Variants in BCL9 observed in about 807,000 individuals in gnomAD.
BCL9 encodes B-cell CLL/lymphoma 9 protein.
BCL9 carries 25 observed loss-of-function variants against 88.5 expected under a neutral mutation model. The ratio of observed to expected loss-of-function variants is 0.28; its 90% CI spans 0.21 to 0.39. The LOEUF is 0.39. BCL9 is among the 10% of genes least tolerant of loss of function. BCL9 has a pLI of 1.00. For missense variants in BCL9, 1,817 were observed against 1,877.8 expected, an observed-to-expected ratio of 0.97 and a Z score of 0.60; for synonymous variants, 711 against 673.3, an observed-to-expected ratio of 1.06 and a Z score of -0.87.
rs587686584 is a variant in BCL9, at chr1:147,551,252, G to A, written c.-478+9578G>A. ...GCCCAACATCATCCAATTAGTAAGT[G>A]ACAACTAGAGTGTAAGTCTATCTAA... On this transcript the variant is annotated intron_variant, in intron 1 of 9. Coordinates refer to ENST00000234739, the MANE Select transcript of BCL9 (RefSeq NM_004326.4). Among the ~76,000 whole-genome samples the A allele has an allele frequency of 5.1e-4, 77 of 152,322 alleles. No individual in the cohort carries two copies. In the Middle Eastern group the frequency reaches 0.01, roughly 20 times the overall value.
chr1:147,597,346 T>G (rs1657099843), intron 1 of BCL9, among the ~76,000 whole-genome samples: 1 of 152,218 alleles, frequency 6.6e-6, no homozygotes, highest in Admixed American at 6.5e-5. Context: ...CATCTATGTT[T>G]GCAACACAGT....
chr1:147,590,359 A>G (rs1335933363), intron 1 of BCL9, among the ~76,000 whole-genome samples: 2 of 152,196 alleles, frequency 1.3e-5, no homozygotes, highest in Non-Finnish European at 2.9e-5. Context: ...TTCAGCTAGC[A>G]CCTGAATTTC....
At chr1:147,558,751 C>G (rs1553195722) in intron 1 of BCL9, among the ~76,000 whole-genome samples, 1 of 152,204 alleles carries the variant, frequency 6.6e-6, no homozygotes, top group Admixed American at 6.5e-5. Context: ...CTCTCTTTCT[C>G]TCCAGCTACT....
At chr1:147,590,004 G>A (rs587764104) in intron 1 of BCL9, among the ~76,000 whole-genome samples, 6 of 152,264 alleles carry the variant, frequency 3.9e-5, no homozygotes, top group African/African-American at 1.4e-4. Flanking sequence ...ACTTGCCATT[G>A]TCTTTCTTTT....
At position 147,624,774 on chromosome 1, in the gene BCL9, G is replaced by C. The variant is rs75460229; in HGVS notation, c.4096G>C (p.Ala1366Pro). 390 of 1,612,792 alleles carry C rather than the reference G, an allele frequency of 2.4e-4. 1 individual carries two copies. In the African/African-American group the frequency reaches 4.8e-3, roughly 20 times the overall value. Residue 1366 changes from alanine (A) to proline (P), a missense_variant, in exon 10 of 10, where the codon GCC (alanine) becomes CCC (proline). Around this residue, in one of 2 missense-constraint regions of BCL9, gnomAD observed 589 missense variants for 686.2 expected, o/e 0.86. Coordinates refer to ENST00000234739, the MANE Select transcript of BCL9 (RefSeq NM_004326.4). The surrounding 1 kb of genome is among the most constrained non-coding windows in gnomAD (Gnocchi z 4.4). Reference sequence around the variant, plus strand: ...GATTCCTGGCAAGGATCGGGGGCCTGCCGGGCTCTACACCCACCCTGGGCC... The same window carrying C: ...GATTCCTGGCAAGGATCGGGGGCCTCCCGGGCTCTACACCCACCCTGGGCC... ...GMIPGKDRGP[A>P]GLYTHPGPVG...
chr1:147,619,451 T>G lies in BCL9; in HGVS notation c.1296T>G (p.Pro432=), dbSNP rs1553204581. 6.2e-7 allele frequency: 1 copy of G among 1,613,986 alleles called. No individual in the cohort carries two copies. The highest frequency in any genetic ancestry group is 8.5e-7 in the Non-Finnish European group (1 of 1,180,000). The change falls in exon 8 of 10, where the codon CCT becomes CCG. Residue 432 remains proline, a synonymous_variant. Transcript: ENST00000234739. This position sits in a 1 kb window ranked among gnomAD's most constrained non-coding sequence, Gnocchi z 4.1. ...PRTDVGAPFG[P]QGHRDVPFSP... Reference sequence around the variant, plus strand: ...CAGACGTGGGAGCTCCATTTGGCCCTCAAGGACATAGAGATGTACCCTTTT... The same window carrying G: ...CAGACGTGGGAGCTCCATTTGGCCCGCAAGGACATAGAGATGTACCCTTTT...
At chr1:147,621,596 CTGA>C (rs781887400) in intron 8 of BCL9, among the ~76,000 whole-genome samples, 10 of 152,156 alleles carry the variant, frequency 6.6e-5, no homozygotes, top group Non-Finnish European at 1.2e-4. Flanking sequence ...GAGATTCTTG[CTGA>C]TGATGATGGT....
intron 4 of BCL9, 118 bp downstream of exon 4, chr1:147,612,007 A>C (rs1393898839): frequency 9.5e-7 from 1 of 1,052,084 alleles, no homozygotes; most frequent in Non-Finnish European, 1.4e-6. Context: ...CAAATGGGAA[A>C]GGAAGAGAAA....
chr1:147,625,307 G>T lies in BCL9; in HGVS notation c.*348G>T. On this transcript the variant is annotated 3_prime_UTR_variant, in exon 10 of 10. Coordinates refer to ENST00000234739, the MANE Select transcript of BCL9 (RefSeq NM_004326.4). ...TCTGTATGTTTACGTCCTTTGGACT[G>T]GCTTCTCCCAGGATTCTTTTCTGTT... 3.6e-6 allele frequency: 1 copy of T among 279,982 alleles called. No homozygotes were observed. The highest frequency in any genetic ancestry group is 6.8e-6 in the Non-Finnish European group (1 of 147,492). 17.3% of individuals were successfully genotyped at this position (279,982 alleles called of 1,614,324 possible).
chr1:147,571,392 C>T (rs587760209), intron 1 of BCL9, among the ~76,000 whole-genome samples: 65 of 152,208 alleles, frequency 4.3e-4, no homozygotes, highest in African/African-American at 1.5e-3. Flanking sequence ...TGACACCACC[C>T]TTGGGTGGTG....
At chr1:147,566,237 A>G (rs1002646934) in intron 1 of BCL9, among the ~76,000 whole-genome samples, 2 of 152,126 alleles carry the variant, frequency 1.3e-5, no homozygotes, top group Non-Finnish European at 2.9e-5. Flanking sequence ...TATTTCTCCA[A>G]TATGCATTGT....
Position 147,619,556 on chromosome 1 carries a change from C to T in BCL9, c.1401C>T (p.Pro467=), listed in dbSNP as rs141096605. Residue 467 remains proline (P), a synonymous_variant, in exon 8 of 10, where the codon CCC becomes CCT. Transcript: ENST00000234739. This position sits in a 1 kb window ranked among gnomAD's most constrained non-coding sequence, Gnocchi z 4.1. ...CCGACCACCTTGACCATATGACTCC[C>T]GAGCAGATAGCGTGGCTGAAACTGC... ...IGPDHLDHMT[P]EQIAWLKLQQ... is the part of the protein sequence containing the mutation. 311 of 1,614,040 alleles carry T rather than the reference C, an allele frequency of 1.9e-4. No homozygotes were observed. The highest frequency in any genetic ancestry group is 2.3e-4 in the Non-Finnish European group (277 of 1,180,018).
At chr1:147,560,756 A>C (rs1655339642) in intron 1 of BCL9, among the ~76,000 whole-genome samples, 1 of 152,158 alleles carries the variant, frequency 6.6e-6, no homozygotes, top group Non-Finnish European at 1.5e-5. Flanking sequence ...TATAAAAATA[A>C]ATACATACAT....
rs587719949 is a variant in BCL9, at chr1:147,558,324, C to A, written c.-478+16650C>A. The stretch of plus-strand genomic sequence containing the variant: ...ATCAGCACTTGCCCAGAACTCAGAG[C>A]TAAATAAATAAATAAATGCATGGTA... On this transcript the variant is annotated intron_variant, in intron 1 of 9. Transcript: ENST00000234739. 8.5e-4 allele frequency among the ~76,000 whole-genome samples: 130 copies of A among 152,092 alleles called. 2 individuals are homozygous for A. The South Asian group carries it at 0.025, about 29-fold the overall frequency.
At chr1:147,551,012 A>C (rs1285837867) in intron 1 of BCL9, among the ~76,000 whole-genome samples, 2 of 152,152 alleles carry the variant, frequency 1.3e-5, no homozygotes, top group East Asian at 3.9e-4. Flanking sequence ...GTAAAATTCC[A>C]CTTTTTGTAT....
chr1:147,606,016 C>T (rs1553201943), intron 2 of BCL9, among the ~76,000 whole-genome samples: 1 of 152,160 alleles, frequency 6.6e-6, no homozygotes, highest in East Asian at 1.9e-4. Context: ...TCTAGGAATC[C>T]TTCTAAAGAT....
chr1:147,565,297 A>G lies in BCL9; in HGVS notation c.-478+23623A>G, dbSNP rs587622976. ...CAAAATCACTCGCTCAAGCCCATGC[A>G]ACTCTTCAATGGATTCCCACTACTG... On this transcript the variant is annotated intron_variant, in intron 1 of 9. Transcript: ENST00000234739. Among the ~76,000 whole-genome samples, 92 of 152,346 alleles carry G rather than the reference A, an allele frequency of 6.0e-4. 1 individual carries two copies. The highest frequency in any genetic ancestry group is 2.1e-3 in the African/African-American group (86 of 41,574).
At chr1:147,549,387 A>G (rs1264516834) in intron 1 of BCL9, among the ~76,000 whole-genome samples, 1 of 152,148 alleles carries the variant, frequency 6.6e-6, no homozygotes, top group Admixed American at 6.5e-5. Context: ...TCAAAGAATC[A>G]CAGATGATAA....
At chr1:147,547,748 G>C (rs587650522) in intron 1 of BCL9, among the ~76,000 whole-genome samples, 1 of 151,982 alleles carries the variant, frequency 6.6e-6, no homozygotes, top group African/African-American at 2.4e-5. Context: ...CTTTAAAGAC[G>C]GGAAAAAAGA....
Sources: allele counts gnomAD v4.1 joint callset (sites outside exome capture counted in the v4.1 genomes callset), GRCh38; gene constraint gnomAD v4.1.1; regional missense constraint gnomAD v4.1.1; non-coding constraint Gnocchi (gnomAD v3.1); transcripts MANE v1.5; gene names NCBI Gene and HGNC (gene_info 2026-07-23, HGNC 2026-07-21).